Variants in RECK observed in about 807,000 individuals in gnomAD.
The protein encoded by RECK is reversion inducing cysteine rich protein with kazal motifs.
RECK carries 69 observed loss-of-function variants against 115.1 expected under a neutral mutation model. The observed-to-expected ratio is 0.60, with a 90% CI of 0.49 to 0.73. The LOEUF is 0.73. RECK is among the 30% of genes least tolerant of loss of function. RECK has a pLI of 0.00. For synonymous variants in RECK, 414 were observed against 419.7 expected, an observed-to-expected ratio of 0.99 and a Z score of 0.17; for missense variants, 1,047 against 1,203.7, an observed-to-expected ratio of 0.87 and a Z score of 1.93.
chr9:36,052,745 TA>T (rs879931942), intron 2 of RECK, among the ~76,000 whole-genome samples: 9 of 152,048 alleles, frequency 5.9e-5, no homozygotes, highest in African/African-American at 2.2e-4. Flanking sequence ...GTCAGTGTTA[TA>T]AAAACAAAGA....
At chr9:36,037,423 G>C (rs888070670) in intron 1 of RECK, among the ~76,000 whole-genome samples, 1 of 151,826 alleles carries the variant, frequency 6.6e-6, no homozygotes, top group Non-Finnish European at 1.5e-5. Flanking sequence ...CCCCCGCCCA[G>C]GATCGTCGCG....
At chr9:36,064,170 C>A (rs1209837592) in intron 5 of RECK, among the ~76,000 whole-genome samples, 2 of 152,162 alleles carry the variant, frequency 1.3e-5, no homozygotes, top group Non-Finnish European at 2.9e-5. Flanking sequence ...TGCAATCATG[C>A]TGAATCAATG....
At chr9:36,041,579 C>G (rs1820866765) in intron 1 of RECK, among the ~76,000 whole-genome samples, 1 of 152,114 alleles carries the variant, frequency 6.6e-6, no homozygotes, top group Non-Finnish European at 1.5e-5. Context: ...AACAGGAAAT[C>G]ACATGGAAAG....
At chr9:36,120,509 C>G (rs1180210261) in intron 18 of RECK, among the ~76,000 whole-genome samples, 154 bp from the exon 19 acceptor site, 1 of 152,070 alleles carries the variant, frequency 6.6e-6, no homozygotes, top group Admixed American at 6.5e-5. Context: ...TGAGAGGACT[C>G]CAGGTTGGTC....
chr9:36,087,805 G>A lies in RECK; in HGVS notation c.749G>A (p.Cys250Tyr), dbSNP rs985974422. Reference sequence around the variant, plus strand: ...ATTGTTGATGGTCTCATCGAGGGTTGTAAGACCCAGCCCTTGCCTCAAGAT... The same window carrying A: ...ATTGTTGATGGTCTCATCGAGGGTTATAAGACCCAGCCCTTGCCTCAAGAT... ...MEIVDGLIEG[C>Y]KTQPLPQDPL... The change falls in exon 9 of 21, where the codon TGT becomes TAT. Residue 250 changes from cysteine (C) to tyrosine (Y), a missense_variant. Coordinates refer to ENST00000377966, the MANE Select transcript of RECK (RefSeq NM_021111.3). 1.2e-6 allele frequency: 2 copies of A among 1,613,946 alleles called. No homozygotes were observed. Among genetic ancestry groups the A allele is most frequent in the African/African-American group, 1.3e-5 (1 of 74,922 alleles).
intron 2 of RECK, 50 bp downstream of exon 2, chr9:36,052,373 C>G (rs1262893025): frequency 7.2e-7 from 1 of 1,389,312 alleles, no homozygotes; most frequent in Non-Finnish European, 1.0e-6. Context: ...TGGTTCATGC[C>G]TGTAATCCCA....
At position 36,100,084 on chromosome 9, in the gene RECK, T is replaced by C. The variant is rs149492071; in HGVS notation, c.1086-247T>C. On this transcript the variant is annotated intron_variant, in intron 10 of 20. Coordinates refer to ENST00000377966, the MANE Select transcript of RECK (RefSeq NM_021111.3). ...GATAGTCTGGGGATAATAGTCCTGT[T>C]TGGAGAATTGTGAAGTTTTAAACTG... Among the ~76,000 whole-genome samples, 40 of 152,352 alleles carry C rather than the reference T, an allele frequency of 2.6e-4. No individual in the cohort carries two copies. The East Asian group carries it at 5.8e-3, about 22-fold the overall frequency.
intron 15 of RECK, among the ~76,000 whole-genome samples, chr9:36,111,914 G>A (rs1217769526): frequency 6.6e-6 from 1 of 151,060 alleles, no homozygotes; most frequent in African/African-American, 2.4e-5. Flanking sequence ...TCTTGCAGAT[G>A]AGCTATTCAG....
At chr9:36,039,468 T>G (rs1414324891) in intron 1 of RECK, among the ~76,000 whole-genome samples, 1 of 152,234 alleles carries the variant, frequency 6.6e-6, no homozygotes, top group Non-Finnish European at 1.5e-5. Flanking sequence ...TTGCAGGTTA[T>G]TGACCCCCTC....
intron 1 of RECK, among the ~76,000 whole-genome samples, chr9:36,050,583 T>A (rs1260513818): frequency 6.6e-6 from 1 of 152,198 alleles, no homozygotes; most frequent in Non-Finnish European, 1.5e-5. Context: ...GTGGTCTTTT[T>A]AAAATGTTAT....
At chr9:36,120,563 A>T in intron 18 of RECK, 100 bp from the exon 19 acceptor site, 2 of 943,196 alleles carry the variant, frequency 2.1e-6, no homozygotes, top group Non-Finnish European at 3.3e-6. Flanking sequence ...GGACACTGTA[A>T]CTCTCCTGCC....
At chr9:36,052,204 A>T in intron 1 of RECK, 61 bp from the exon 2 acceptor site, 1 of 979,900 alleles carries the variant, frequency 1.0e-6, no homozygotes, top group Non-Finnish European at 1.7e-6. Flanking sequence ...AACCATCTGA[A>T]TTAGCTTAGT....
chr9:36,063,624 A>C lies in RECK; in HGVS notation c.272-171A>C, dbSNP rs73648705. 8.7e-3 allele frequency among the ~76,000 whole-genome samples: 1,325 copies of C among 152,310 alleles called. 20 individuals are homozygous for C. The highest frequency in any genetic ancestry group is 0.031 in the African/African-American group (1,273 of 41,560). On this transcript the variant is annotated intron_variant, in intron 4 of 20. Coordinates refer to ENST00000377966, the MANE Select transcript of RECK (RefSeq NM_021111.3). ...AGGGACTTTGAAAGAGACTGATAGC[A>C]GTGGAAGTAAGGGTAAAGGGAGGTC...
chr9:36,078,045 G>A (rs1245495885), intron 6 of RECK, among the ~76,000 whole-genome samples: 1 of 152,158 alleles, frequency 6.6e-6, no homozygotes, highest in Non-Finnish European at 1.5e-5. Context: ...ATTTAAAAAA[G>A]TAGGTAAATG....
chr9:36,054,067 A>G (rs1410064208), intron 2 of RECK, among the ~76,000 whole-genome samples: 1 of 152,158 alleles, frequency 6.6e-6, no homozygotes, highest in Admixed American at 6.6e-5. Context: ...CATCCTGATC[A>G]TGGGAGAAGT....
chr9:36,089,967 TACACAC>T (rs55678229), intron 9 of RECK, among the ~76,000 whole-genome samples: 11,745 of 143,694 alleles, frequency 0.082, 833 homozygotes, highest in African/African-American at 0.19. Context: ...CTACTAAAAA[TACACAC>T]ACACACACAC....
intron 5 of RECK, among the ~76,000 whole-genome samples, chr9:36,065,091 C>T (rs1337862143): frequency 6.6e-6 from 1 of 151,998 alleles, no homozygotes; most frequent in African/African-American, 2.4e-5. Flanking sequence ...TACCTCTTCC[C>T]TATTTAGTTG....
At chr9:36,098,254 T>G (rs989458829) in intron 10 of RECK, among the ~76,000 whole-genome samples, 2 of 152,240 alleles carry the variant, frequency 1.3e-5, no homozygotes, top group African/African-American at 4.8e-5. Context: ...TGTGAGGTAA[T>G]GCATATTTTA....
intron 6 of RECK, 126 bp downstream of exon 6, chr9:36,065,750 C>A: frequency 1.4e-6 from 1 of 715,676 alleles, no homozygotes; most frequent in Non-Finnish European, 2.0e-6. Context: ...GAAAATTTTG[C>A]ATTGACAAAA....
Sources: gnomAD v4.1 joint callset for allele counts (sites outside exome capture counted in the v4.1 genomes callset) on GRCh38, gnomAD v4.1.1 for gene constraint, MANE v1.5 for transcripts, NCBI Gene and HGNC (gene_info 2026-07-23, HGNC 2026-07-21) for gene names.